The following DNAH14 variants were observed in gnomAD, a reference collection of about 807,000 sequenced individuals.
DNAH14 encodes the protein dynein axonemal heavy chain 14.
Under a neutral mutation model 520.9 loss-of-function variants are expected in DNAH14, and 478 were observed. That is an observed-to-expected ratio of 0.92 (90% CI 0.85 to 0.99). The LOEUF is 0.99. Ranked by LOEUF, DNAH14 falls within the 50% of genes least tolerant of loss-of-function variation. DNAH14 has a pLI of 0.00. For synonymous variants in DNAH14, 1,581 were observed against 1,757.2 expected, an observed-to-expected ratio of 0.90 and a Z score of 2.51; for missense variants, 4,831 against 5,234.5, an observed-to-expected ratio of 0.92 and a Z score of 2.38.
At chr1:225,191,702 T>C (rs2085464437) in intron 37 of DNAH14, among the ~76,000 whole-genome samples, 1 of 152,046 alleles carries the variant, frequency 6.6e-6, no homozygotes, top group Non-Finnish European at 1.5e-5. Flanking sequence ...TGCTTTATGG[T>C]ATTCCATAGG....
intron 17 of DNAH14, among the ~76,000 whole-genome samples, chr1:225,073,845 A>G (rs1432844140): frequency 1.3e-5 from 2 of 149,910 alleles, no homozygotes; most frequent in Non-Finnish European, 3.0e-5. Flanking sequence ...ACCATGCCCA[A>G]CTGATTTTTG....
intron 33 of DNAH14, among the ~76,000 whole-genome samples, chr1:225,153,153 G>A (rs1468049969): frequency 1.3e-5 from 2 of 152,014 alleles, no homozygotes; most frequent in Non-Finnish European, 2.9e-5. Context: ...TTTAAATTAC[G>A]GACTATTTTT....
At position 225,386,693 on chromosome 1, in the gene DNAH14, C is replaced by T. The variant is rs563323406; in HGVS notation, c.13078-1686C>T. Reference sequence around the variant, plus strand: ...AAAACCACAATGGGATACCATCTCACACCAGTTAGAATGGCAATCATTAAA... The same window carrying T: ...AAAACCACAATGGGATACCATCTCATACCAGTTAGAATGGCAATCATTAAA... On this transcript the variant is annotated intron_variant, in intron 81 of 85. Coordinates refer to ENST00000682510, the MANE Select transcript of DNAH14 (RefSeq NM_001367479.1). Among the ~76,000 whole-genome samples the T allele has an allele frequency of 1.5e-3, 235 of 152,368 alleles. 1 individual carries two copies. Among genetic ancestry groups the T allele is most frequent in the African/African-American group, 5.2e-3 (216 of 41,592 alleles).
chr1:225,059,363 G>A (rs539315619), intron 17 of DNAH14, among the ~76,000 whole-genome samples: 190 of 151,712 alleles, frequency 1.3e-3, no homozygotes, highest in Non-Finnish European at 2.5e-3. Flanking sequence ...GCCTTTTTTT[G>A]TTTTCCATTT....
chr1:225,031,868 T>C (rs1264138952), intron 11 of DNAH14, among the ~76,000 whole-genome samples: 1 of 152,096 alleles, frequency 6.6e-6, no homozygotes, highest in Non-Finnish European at 1.5e-5. Flanking sequence ...TGTTTCCTTT[T>C]GCTTGTTTCT....
intron 17 of DNAH14, among the ~76,000 whole-genome samples, chr1:225,058,222 T>C (rs1256344649): frequency 6.6e-6 from 1 of 152,236 alleles, no homozygotes; most frequent in Non-Finnish European, 1.5e-5. Flanking sequence ...GTTACTGGTC[T>C]ATTCAGAGAT....
intron 12 of DNAH14, among the ~76,000 whole-genome samples, chr1:225,041,787 T>G (rs1357313280): frequency 6.6e-6 from 1 of 152,218 alleles, no homozygotes; most frequent in East Asian, 1.9e-4. Flanking sequence ...TGAGGTCCAG[T>G]ATTCCCAGAG....
intron 35 of DNAH14, among the ~76,000 whole-genome samples, chr1:225,162,289 G>A (rs552600769): frequency 2.6e-5 from 4 of 152,228 alleles, no homozygotes; most frequent in Admixed American, 2.0e-4. Flanking sequence ...TTGAAAATAA[G>A]TTCACCACAG....
At chr1:225,165,430 C>T (rs1162811637) in intron 35 of DNAH14, among the ~76,000 whole-genome samples, 1 of 152,058 alleles carries the variant, frequency 6.6e-6, no homozygotes, top group Non-Finnish European at 1.5e-5. Context: ...TCCTTTGTTT[C>T]ACATGATTGA....
At position 225,152,662 on chromosome 1, in the gene DNAH14, G is replaced by A. The variant is rs73135004; in HGVS notation, c.5010-35G>A. The A allele has an allele frequency of 1.8e-3, 2,715 of 1,492,320 alleles. 41 individuals carry two copies. In the African/African-American group the frequency reaches 0.034, roughly 19 times the overall value. The allele number at this position is 1,492,320 out of a possible 1,614,324, so 92.4% of individuals were successfully genotyped here. ...TCCTTATTTGAAAAATTGAGAAGTG[G>A]TGTTTTTATTGTTTGTTTTTCTTTT... On this transcript the variant is annotated intron_variant, in intron 32 of 85. Transcript: ENST00000682510.
At chr1:225,020,519 A>AAAC (rs1553385581) in intron 10 of DNAH14, among the ~76,000 whole-genome samples, 2 of 145,036 alleles carry the variant, frequency 1.4e-5, no homozygotes, top group South Asian at 2.2e-4. Context: ...AAAAAAAACA[A>AAAC]CTCAAAGGCT....
At chr1:225,290,184 T>G (rs1343774762) in intron 55 of DNAH14, 102 bp downstream of exon 55, 2 of 833,742 alleles carry the variant, frequency 2.4e-6, no homozygotes, top group Non-Finnish European at 3.4e-6. Context: ...AAAATATTTA[T>G]CAATGGTTCT....
chr1:225,082,704 A>G lies in DNAH14; in HGVS notation c.3292A>G (p.Lys1098Glu). ...EIIGKSVPLDKNCKVENLLAL... is the reference protein window; with the variant it reads ...EIIGKSVPLDENCKVENLLAL... ...TATTGGGAAGTCAGTTCCGCTTGAT[A>G]AAAACTGTAAAGTAGAGAATCTTCT... The change falls in exon 20 of 86, where the codon AAA (lysine) becomes GAA (glutamate). Residue 1098 changes from lysine (K) to glutamate (E), a missense_variant. Lys to Glu is a moderately conservative substitution (Grantham distance 56). Transcript: ENST00000682510. 6.4e-7 allele frequency: 1 copy of G among 1,550,984 alleles called. No individual in the cohort carries two copies. The highest frequency in any genetic ancestry group is 1.2e-5 in the South Asian group (1 of 83,930).
In DNAH14 at chr1:225,374,813, C is replaced by T. The variant is rs1379908611; in HGVS notation, c.12444C>T (p.Cys4148=). ...TGATTGATAATTGGGACAAGCGATG[C>T]TTGAAGACCCTACTCTACAAATTTT... ...GRVIDNWDKR[C]LKTLLYKFCN... The change falls in exon 78 of 86, where the codon TGC becomes TGT. Residue 4148 remains cysteine (C), a synonymous_variant. Transcript: ENST00000682510. 2 of 1,551,574 alleles carry T rather than the reference C, an allele frequency of 1.3e-6. No individual in the cohort carries two copies. Among genetic ancestry groups the T allele is most frequent in the Admixed American group, 2.0e-5 (1 of 50,998 alleles).
chr1:225,100,576 C>A, intron 22 of DNAH14, 137 bp from the exon 23 acceptor site: 1 of 712,320 alleles, frequency 1.4e-6, no homozygotes, highest in Non-Finnish European at 2.2e-6. Context: ...TAAAAAGTAT[C>A]TTTGATGATT....
At chr1:225,374,641 G>A in intron 77 of DNAH14, 47 bp from the exon 78 acceptor site, 1 of 1,445,698 alleles carries the variant, frequency 6.9e-7, no homozygotes, top group Non-Finnish European at 9.3e-7. Flanking sequence ...GAGTGAGTAA[G>A]CTGGAAACAC....
intron 41 of DNAH14, among the ~76,000 whole-genome samples, chr1:225,224,600 C>T (rs1320107997): frequency 6.6e-6 from 1 of 152,136 alleles, no homozygotes; most frequent in Admixed American, 6.5e-5. Context: ...ATTATGCAGG[C>T]CATATAAAAC....
intron 26 of DNAH14, among the ~76,000 whole-genome samples, chr1:225,120,520 G>T (rs943997009): frequency 1.3e-5 from 2 of 152,222 alleles, no homozygotes; most frequent in Non-Finnish European, 2.9e-5. Context: ...TCAGGAAAGG[G>T]CTGTTGCCGG....
intron 8 of DNAH14, among the ~76,000 whole-genome samples, chr1:224,985,067 A>G (rs774556990): frequency 9.2e-5 from 14 of 152,206 alleles, no homozygotes; most frequent in Non-Finnish European, 1.6e-4. Context: ...AGATTCCTTA[A>G]AGAACTAAAA....
Sources: gnomAD v4.1 joint callset for allele counts (sites outside exome capture counted in the v4.1 genomes callset) on GRCh38, gnomAD v4.1.1 for gene constraint, MANE v1.5 for transcripts, NCBI Gene and HGNC (gene_info 2026-07-23, HGNC 2026-07-21) for gene names.